The following SMCO4 variants were observed in gnomAD, a reference collection of about 807,000 sequenced individuals.
SMCO4 encodes single-pass membrane and coiled-coil domain-containing protein 4.
A neutral mutation model predicts 3.6 loss-of-function variants in SMCO4; 4 were observed. The ratio of observed to expected loss-of-function variants is 1.11; its 90% CI spans 0.54 to 2.53. The LOEUF (loss-of-function observed/expected upper bound fraction) is 2.53. Among genes scored for constraint, SMCO4 ranks in the 30% most tolerant of loss-of-function variants. The pLI, the probability that SMCO4 is intolerant of heterozygous loss-of-function variation, is 0.02. For synonymous variants in SMCO4, 36 were observed against 35.3 expected (o/e 1.02, Z -0.07); for missense variants, 70 against 80.8 (o/e 0.87, Z 0.51).
chr11:93,552,394 C>T, the SMCO4 span, among the ~76,000 whole-genome samples: 1 of 150,340 alleles, frequency 6.7e-6, no homozygotes, highest in Non-Finnish European at 1.5e-5. Flanking sequence ...CCCACCTCGG[C>T]CTCCCAAAGT....
chr11:93,488,212 C>T lies in SMCO4; in HGVS notation c.-80-8943G>A, dbSNP rs572622696. On this transcript the variant is annotated intron_variant, in intron 2 of 2. Transcript: ENST00000298966. ...TCTTCCAGGCAGGGCAGGACCCATG[C>T]ACAGACCCTCAGGCGGGGCATCCCT... 8.5e-4 allele frequency among the ~76,000 whole-genome samples: 130 copies of T among 152,330 alleles called. 1 individual carries two copies. Among genetic ancestry groups the T allele is most frequent in the Middle Eastern group, 6.8e-3 (2 of 294 alleles).
chr11:93,507,592 T>C (rs1948919779), intron 1 of SMCO4, among the ~76,000 whole-genome samples: 1 of 152,220 alleles, frequency 6.6e-6, no homozygotes, highest in Non-Finnish European at 1.5e-5. Flanking sequence ...TGTTACAAAA[T>C]GATGTGTAAA....
At chr11:93,485,869 A>G (rs1438546282) in intron 2 of SMCO4, among the ~76,000 whole-genome samples, 1 of 152,210 alleles carries the variant, frequency 6.6e-6, no homozygotes, top group African/African-American at 2.4e-5. Flanking sequence ...TTTTACCCCC[A>G]TTTAAATGAT....
intron 2 of SMCO4, among the ~76,000 whole-genome samples, chr11:93,491,542 G>A (rs1321589100): frequency 6.6e-6 from 1 of 152,162 alleles, no homozygotes. Flanking sequence ...AATGAGTTTT[G>A]AGATTATGTA....
At chr11:93,511,307 T>A (rs1262207078) in intron 1 of SMCO4, among the ~76,000 whole-genome samples, 1 of 152,180 alleles carries the variant, frequency 6.6e-6, no homozygotes, top group Non-Finnish European at 1.5e-5. Flanking sequence ...AGGTTTTCCC[T>A]GACTGTCATG....
the SMCO4 span, among the ~76,000 whole-genome samples, chr11:93,548,702 C>T: frequency 2.5e-3 from 388 of 152,170 alleles, no homozygotes; most frequent in Non-Finnish European, 4.6e-3. Context: ...CTTGGCATTT[C>T]GAACATTTGA....
intron 1 of SMCO4, among the ~76,000 whole-genome samples, chr11:93,505,082 C>A (rs1054030844): frequency 6.6e-6 from 1 of 152,222 alleles, no homozygotes. Flanking sequence ...CAGATCATGT[C>A]TTCAACATGC....
chr11:93,529,377 C>T (rs1417219351), intron 1 of SMCO4, among the ~76,000 whole-genome samples: 1 of 152,196 alleles, frequency 6.6e-6, no homozygotes, highest in East Asian at 1.9e-4. Flanking sequence ...TACGGAAGAG[C>T]AGCTGCTCCT....
At chr11:93,520,737 A>G (rs2605626) in intron 1 of SMCO4, among the ~76,000 whole-genome samples, 120,486 of 152,242 alleles carry the variant, frequency 0.79, 48,076 homozygotes, top group South Asian at 0.86. Flanking sequence ...GAAGGCTCAA[A>G]ACTCTCCAGC....
the SMCO4 span, among the ~76,000 whole-genome samples, chr11:93,550,545 C>T: frequency 4.3e-4 from 66 of 152,224 alleles, no homozygotes; most frequent in African/African-American, 1.5e-3. Context: ...CGTGGTGGCA[C>T]ACCCTGGTAG....
In SMCO4 at chr11:93,505,625, T is replaced by C. The variant is rs1036106205; in HGVS notation, c.-153-6277A>G. On this transcript the variant is annotated intron_variant, in intron 1 of 2. Coordinates refer to ENST00000298966, the MANE Select transcript of SMCO4 (RefSeq NM_020179.3). ...ATTCAGCTTTGGAAATGCTACATTC[T>C]ATAGCCTCCCATTCCCCTTAAAGAT... is the stretch of plus-strand genomic sequence containing the variant. Among the ~76,000 whole-genome samples the C allele has an allele frequency of 3.9e-5, 6 of 152,238 alleles. No individual in the cohort carries two copies. The South Asian group carries it at 8.3e-4, about 21-fold the overall frequency.
chr11:93,541,983 T>C (rs1433523099), intron 1 of SMCO4, among the ~76,000 whole-genome samples: 1 of 152,060 alleles, frequency 6.6e-6, no homozygotes, highest in African/African-American at 2.4e-5. Flanking sequence ...TCATCCAAGG[T>C]CAAACTTCTT....
chr11:93,516,687 G>A (rs750547543), intron 1 of SMCO4, among the ~76,000 whole-genome samples: 4 of 152,112 alleles, frequency 2.6e-5, no homozygotes, highest in Admixed American at 2.0e-4. Flanking sequence ...CTACCCGGGA[G>A]GCTGAGGCAG....
At chr11:93,510,707 C>CT (rs923812293) in intron 1 of SMCO4, among the ~76,000 whole-genome samples, 36 of 152,272 alleles carry the variant, frequency 2.4e-4, no homozygotes, top group African/African-American at 8.2e-4. Flanking sequence ...CCTTCACTAC[C>CT]ACACTGCTCA....
intron 1 of SMCO4, among the ~76,000 whole-genome samples, chr11:93,531,947 C>A (rs1156228789): frequency 6.6e-6 from 1 of 152,184 alleles, no homozygotes; most frequent in Non-Finnish European, 1.5e-5. Flanking sequence ...GAAGCCCCTG[C>A]CCCATTTCGA....
At chr11:93,494,826 C>T (rs990259922) in intron 2 of SMCO4, among the ~76,000 whole-genome samples, 1 of 152,200 alleles carries the variant, frequency 6.6e-6, no homozygotes, top group Non-Finnish European at 1.5e-5. Context: ...GGTCCAGTAA[C>T]TCCCTAGTAT....
At chr11:93,538,795 T>C (rs777448209) in intron 1 of SMCO4, among the ~76,000 whole-genome samples, 8 of 152,202 alleles carry the variant, frequency 5.3e-5, no homozygotes, top group Non-Finnish European at 1.0e-4. Context: ...CCACTGCCAC[T>C]GTCTTAATGT....
At chr11:93,491,405 C>A (rs1356984767) in intron 2 of SMCO4, among the ~76,000 whole-genome samples, 1 of 152,214 alleles carries the variant, frequency 6.6e-6, no homozygotes, top group Non-Finnish European at 1.5e-5. Context: ...TCACATGAAA[C>A]ATCTGCCTTG....
At chr11:93,547,382 AC>A (rs1217235698), upstream of SMCO4, among the ~76,000 whole-genome samples, 18 of 152,286 alleles carry the variant, frequency 1.2e-4, no homozygotes, top group African/African-American at 3.9e-4. Context: ...GGATAACAAA[AC>A]CAGTGAATGT....
Sources: allele counts gnomAD v4.1 joint callset (sites outside exome capture counted in the v4.1 genomes callset), GRCh38; gene constraint gnomAD v4.1.1; transcripts MANE v1.5; gene names NCBI Gene and HGNC (gene_info 2026-07-23, HGNC 2026-07-21).